RGS17: variants seen among roughly 807,000 people sequenced by gnomAD.
RGS17 encodes the protein regulator of G-protein signaling 17.
Under a neutral mutation model 25.5 loss-of-function variants are expected in RGS17, and 12 were observed. The observed-to-expected ratio is 0.47, with a 90% confidence interval of 0.30 to 0.76. The LOEUF (loss-of-function observed/expected upper bound fraction) is 0.76. RGS17 is among the 30% of genes least tolerant of loss of function. The pLI is 0.07. For synonymous variants in RGS17, 71 were observed against 76.9 expected, an observed-to-expected ratio of 0.92 and a Z score of 0.40; for missense variants, 196 against 242.2, an observed-to-expected ratio of 0.81 and a Z score of 1.27.
intron 1 of RGS17, among the ~76,000 whole-genome samples, chr6:153,085,715 A>T (rs1777043131): frequency 6.6e-6 from 1 of 152,320 alleles, no homozygotes; most frequent in Admixed American, 6.5e-5. Context: ...GCATTAATAA[A>T]TATTACTGAA....
chr6:153,099,550 AT>A (rs1390443881), intron 1 of RGS17, among the ~76,000 whole-genome samples: 1 of 152,180 alleles, frequency 6.6e-6, no homozygotes, highest in Non-Finnish European at 1.5e-5. Context: ...GGAAGTGTGC[AT>A]TTTGTCCATA....
chr6:153,077,582 G>A (rs911983917), intron 1 of RGS17, among the ~76,000 whole-genome samples: 3 of 151,800 alleles, frequency 2.0e-5, no homozygotes, highest in South Asian at 2.1e-4. Flanking sequence ...TTAGAAAGTC[G>A]GGGCAAAAAA....
chr6:153,057,781 G>T (rs1156712205), intron 1 of RGS17, among the ~76,000 whole-genome samples: 2 of 152,176 alleles, frequency 1.3e-5, no homozygotes, highest in East Asian at 3.9e-4. Flanking sequence ...GTTGGGACAC[G>T]ACAACAGATC....
chr6:153,107,099 G>A (rs1037743704), intron 1 of RGS17, among the ~76,000 whole-genome samples: 5 of 151,544 alleles, frequency 3.3e-5, no homozygotes, highest in East Asian at 4.0e-4. Flanking sequence ...TTGGGAGGCC[G>A]AAGAGGGTTA....
intron 1 of RGS17, among the ~76,000 whole-genome samples, chr6:153,063,568 T>C (rs1490492954): frequency 1.3e-5 from 2 of 151,902 alleles, no homozygotes; most frequent in Non-Finnish European, 2.9e-5. Context: ...TAAAAAACAA[T>C]GAAGCATGCC....
chr6:153,082,589 A>T (rs185892201), intron 1 of RGS17, among the ~76,000 whole-genome samples: 1 of 152,020 alleles, frequency 6.6e-6, no homozygotes, highest in Admixed American at 6.5e-5. Context: ...TCATGTTTTC[A>T]TTTAAATTCC....
chr6:153,037,615 G>A (rs1194360120), intron 2 of RGS17, among the ~76,000 whole-genome samples: 2 of 151,066 alleles, frequency 1.3e-5, no homozygotes, highest in African/African-American at 2.4e-5. Flanking sequence ...TAGTACAGAC[G>A]GGGTTTCACC....
At chr6:153,093,656 A>C (rs1777163990) in intron 1 of RGS17, among the ~76,000 whole-genome samples, 1 of 152,240 alleles carries the variant, frequency 6.6e-6, no homozygotes, top group Non-Finnish European at 1.5e-5. Context: ...CACACTTTAC[A>C]GAATCCACGT....
intron 1 of RGS17, among the ~76,000 whole-genome samples, chr6:153,105,956 C>T (rs9479508): frequency 6.6e-5 from 10 of 151,982 alleles, no homozygotes; most frequent in South Asian, 2.1e-4. Flanking sequence ...AGAAGTGGAG[C>T]GAAATGGCAA....
intron 1 of RGS17, among the ~76,000 whole-genome samples, chr6:153,107,522 G>T (rs1234014834): frequency 6.9e-6 from 1 of 145,500 alleles, no homozygotes; most frequent in East Asian, 2.2e-4. Context: ...ATTCTGTAAT[G>T]AATGTTTTAT....
In RGS17 at chr6:153,044,058, A is replaced by C; in HGVS notation, c.-25-15T>G. ...GACCCAGTTGGCTGAAAGAGATAAAACAAAAAATTGGGTATGAAAAAAGCA... is the reference window on the plus strand; with the variant it reads ...GACCCAGTTGGCTGAAAGAGATAAACCAAAAAATTGGGTATGAAAAAAGCA... On this transcript the variant is annotated splice_polypyrimidine_tract_variant and intron_variant, in intron 1 of 4. Transcript: ENST00000206262. 7.7e-7 allele frequency: 1 copy of C among 1,300,192 alleles called. No homozygotes were observed. The highest frequency in any genetic ancestry group is 1.1e-6 in the Non-Finnish European group (1 of 899,698). The allele number at this position is 1,300,192 out of a possible 1,614,324, so 80.5% of individuals were successfully genotyped here. A position where few individuals can be genotyped will look rare whatever the true frequency, so the allele number is the denominator to read the frequency against.
intron 1 of RGS17, among the ~76,000 whole-genome samples, chr6:153,093,907 T>G (rs1378806778): frequency 4.6e-5 from 7 of 152,180 alleles, no homozygotes; most frequent in Non-Finnish European, 1.0e-4. Context: ...TTTTCCCAAC[T>G]GTGAAAACAG....
At chr6:153,074,735 CATT>C (rs1160868401) in intron 1 of RGS17, among the ~76,000 whole-genome samples, 5 of 152,162 alleles carry the variant, frequency 3.3e-5, no homozygotes, top group Non-Finnish European at 5.9e-5. Context: ...TCGCTCTCAT[CATT>C]AATTGGGCTA....
chr6:153,035,880 G>A (rs868676918), intron 2 of RGS17, among the ~76,000 whole-genome samples: 8 of 152,022 alleles, frequency 5.3e-5, no homozygotes, highest in South Asian at 4.2e-4. Context: ...GTTCTTCCTC[G>A]TTGTACATCT....
chr6:153,014,272 G>A (rs1356093334), intron 4 of RGS17, among the ~76,000 whole-genome samples: 2 of 152,168 alleles, frequency 1.3e-5, no homozygotes, highest in Non-Finnish European at 2.9e-5. Flanking sequence ...CAGCACATCT[G>A]TTTATAGCAT....
chr6:153,082,582 T>A (rs181295272), intron 1 of RGS17, among the ~76,000 whole-genome samples: 1 of 152,240 alleles, frequency 6.6e-6, no homozygotes, highest in Non-Finnish European at 1.5e-5. Flanking sequence ...ATCATGTTCA[T>A]GTTTTCATTT....
At chr6:153,107,667 A>G (rs911961928) in intron 1 of RGS17, among the ~76,000 whole-genome samples, 1 of 152,208 alleles carries the variant, frequency 6.6e-6, no homozygotes, top group Admixed American at 6.5e-5. Flanking sequence ...ATAATATTTA[A>G]AAGTCTTAGC....
At chr6:153,081,427 G>T (rs1356063440) in intron 1 of RGS17, among the ~76,000 whole-genome samples, 2 of 151,962 alleles carry the variant, frequency 1.3e-5, no homozygotes, top group African/African-American at 4.8e-5. Context: ...GTATATCTTT[G>T]TTTATCCTTT....
At chr6:153,090,629 A>G (rs1777115773) in intron 1 of RGS17, among the ~76,000 whole-genome samples, 1 of 152,028 alleles carries the variant, frequency 6.6e-6, no homozygotes, top group Non-Finnish European at 1.5e-5. Context: ...CTTGTCACAA[A>G]AAAAAAGGAA....
Sources: allele counts gnomAD v4.1 joint callset (sites outside exome capture counted in the v4.1 genomes callset), GRCh38; gene constraint gnomAD v4.1.1; transcripts MANE v1.5; gene names NCBI Gene and HGNC (gene_info 2026-07-23, HGNC 2026-07-21).